The following KHDRBS3 variants were observed in gnomAD, a reference collection of about 807,000 sequenced individuals.
KHDRBS3 encodes the protein KH RNA binding domain containing, signal transduction associated 3, also known as KH domain-containing, RNA-binding, signal transduction-associated protein 3.
Under a neutral mutation model 45.6 loss-of-function variants are expected in KHDRBS3, and 23 were observed. The observed-to-expected ratio is 0.50, with a 90% confidence interval of 0.36 to 0.72. The LOEUF (loss-of-function observed/expected upper bound fraction) is 0.72. Among genes scored for constraint, KHDRBS3 ranks in the 30% least tolerant of loss-of-function variants. The pLI is 0.00. For missense variants in KHDRBS3, 352 were observed against 424.8 expected (o/e 0.83, Z 1.51); for synonymous variants, 162 against 156.5 (o/e 1.04, Z -0.26).
At chr8:135,478,943 A>AC (rs1177946407) in intron 1 of KHDRBS3, among the ~76,000 whole-genome samples, 1 of 152,192 alleles carries the variant, frequency 6.6e-6, no homozygotes, top group Non-Finnish European at 1.5e-5. Context: ...AGGAAATAAC[A>AC]CAGGTTGGAA....
At chr8:135,633,807 C>T (rs184348951) in intron 7 of KHDRBS3, among the ~76,000 whole-genome samples, 2 of 152,308 alleles carry the variant, frequency 1.3e-5, no homozygotes, top group Admixed American at 1.3e-4. Context: ...ACGTGCACAG[C>T]CTCCCCATTA....
At chr8:135,647,939 G>A (rs1390507605), downstream of KHDRBS3, 3 of 152,228 alleles carry the variant, frequency 2.0e-5, no homozygotes, top group African/African-American at 4.8e-5. Context: ...TCATCTTGTT[G>A]AGCGTTTTTT....
chr8:135,491,241 G>A (rs1373428831), intron 1 of KHDRBS3, among the ~76,000 whole-genome samples: 1 of 152,044 alleles, frequency 6.6e-6, no homozygotes, highest in Admixed American at 6.6e-5. Context: ...TTCTTGAGAG[G>A]AAGATGAATA....
At chr8:135,497,799 A>G (rs1000921193) in intron 1 of KHDRBS3, among the ~76,000 whole-genome samples, 3 of 152,174 alleles carry the variant, frequency 2.0e-5, no homozygotes, top group Non-Finnish European at 2.9e-5. Context: ...ACAAATGAAT[A>G]AAGTGTTAAC....
At chr8:135,474,785 C>G (rs547654972) in intron 1 of KHDRBS3, among the ~76,000 whole-genome samples, 76 of 152,316 alleles carry the variant, frequency 5.0e-4, no homozygotes, top group African/African-American at 1.7e-3. Context: ...GCTGCCATAA[C>G]AAATTGCTAC....
In KHDRBS3 at chr8:135,546,155, TAA is replaced by T. The variant is rs547556925; in HGVS notation, c.325-2588_325-2587del. 3.1e-3 allele frequency among the ~76,000 whole-genome samples: 445 copies of T among 141,818 alleles called. 3 individuals carry two copies. The highest frequency in any genetic ancestry group is 0.011 in the African/African-American group (415 of 38,788). The allele number at this position is 141,818 out of a possible 152,430, so 93.0% of individuals were successfully genotyped here. ...CTGTCTCCCAAAAAAATAAATAAAT[TAA>T]AAAAAAAAAAGATACTACTAGTATC... On this transcript the variant is annotated intron_variant, in intron 3 of 8. Coordinates refer to ENST00000355849, the MANE Select transcript of KHDRBS3 (RefSeq NM_006558.3).
chr8:135,545,542 C>T (rs191725638), intron 3 of KHDRBS3, among the ~76,000 whole-genome samples: 12 of 152,278 alleles, frequency 7.9e-5, no homozygotes, highest in East Asian at 5.8e-4. Flanking sequence ...GTTATTCAGC[C>T]GCACACAGAC....
intron 2 of KHDRBS3, 92 bp downstream of exon 2, chr8:135,521,447 T>A (rs1005271247): frequency 2.8e-6 from 2 of 723,670 alleles, no homozygotes; most frequent in Non-Finnish European, 4.7e-6. Context: ...TTTTTAGAGA[T>A]GTTTTCTCTT....
chr8:135,623,369 G>A (rs1353280530), intron 7 of KHDRBS3, among the ~76,000 whole-genome samples: 3 of 152,174 alleles, frequency 2.0e-5, no homozygotes, highest in Non-Finnish European at 4.4e-5. Flanking sequence ...TGACTGTCAT[G>A]TAATGTGTGA....
At chr8:135,461,644 G>T (rs1821438132) in intron 1 of KHDRBS3, among the ~76,000 whole-genome samples, 1 of 152,182 alleles carries the variant, frequency 6.6e-6, no homozygotes, top group African/African-American at 2.4e-5. Context: ...AATGTCTTAT[G>T]CATTATAATT....
At chr8:135,562,510 G>A (rs942926958) in intron 5 of KHDRBS3, among the ~76,000 whole-genome samples, 6 of 151,720 alleles carry the variant, frequency 4.0e-5, no homozygotes, top group Non-Finnish European at 5.9e-5. Flanking sequence ...TATCCTCATA[G>A]CTAAGCGACT....
intron 5 of KHDRBS3, among the ~76,000 whole-genome samples, chr8:135,567,332 G>T (rs146335492): frequency 7.9e-5 from 12 of 151,862 alleles, no homozygotes; most frequent in African/African-American, 2.9e-4. Flanking sequence ...CTTCCTGAAG[G>T]CCCCAGAAGA....
chr8:135,577,511 A>G (rs1054151415), intron 5 of KHDRBS3, among the ~76,000 whole-genome samples: 1 of 152,076 alleles, frequency 6.6e-6, no homozygotes, highest in African/African-American at 2.4e-5. Context: ...AGCATATAGT[A>G]TGTAGCCTTT....
intron 5 of KHDRBS3, among the ~76,000 whole-genome samples, chr8:135,572,263 C>A (rs542359184): frequency 1.3e-5 from 2 of 152,268 alleles, no homozygotes; most frequent in African/African-American, 4.8e-5. Flanking sequence ...ATAAGGAGCT[C>A]TCTGTTATCA....
intron 5 of KHDRBS3, among the ~76,000 whole-genome samples, chr8:135,576,039 T>A (rs1827932041): frequency 2.0e-5 from 3 of 152,320 alleles, no homozygotes; most frequent in Middle Eastern, 3.4e-3. Context: ...AGGTTTTTTT[T>A]AAGATGTTTC....
At chr8:135,648,976 A>G (rs1178794152), downstream of KHDRBS3, among the ~76,000 whole-genome samples, 1 of 152,214 alleles carries the variant, frequency 6.6e-6, no homozygotes, top group Non-Finnish European at 1.5e-5. Flanking sequence ...ATGTGCGTGC[A>G]TAGGCAAAAA....
chr8:135,465,509 G>C (rs975002488), intron 1 of KHDRBS3, among the ~76,000 whole-genome samples: 26 of 152,256 alleles, frequency 1.7e-4, no homozygotes, highest in African/African-American at 6.3e-4. Flanking sequence ...GAGAAATTCA[G>C]TCTTTAGGAA....
At chr8:135,486,222 G>A (rs944425004) in intron 1 of KHDRBS3, among the ~76,000 whole-genome samples, 2 of 152,104 alleles carry the variant, frequency 1.3e-5, no homozygotes, top group South Asian at 4.1e-4. Context: ...CTCTTTAAAG[G>A]TATCATTTTT....
chr8:135,572,886 C>T (rs1057322265), intron 5 of KHDRBS3, among the ~76,000 whole-genome samples: 1 of 152,204 alleles, frequency 6.6e-6, no homozygotes, highest in Admixed American at 6.5e-5. Context: ...TGCATAGCAA[C>T]CTTAGGCAAG....
Sources: gnomAD v4.1 joint callset for allele counts (sites outside exome capture counted in the v4.1 genomes callset) on GRCh38, gnomAD v4.1.1 for gene constraint, MANE v1.5 for transcripts, NCBI Gene and HGNC (gene_info 2026-07-23, HGNC 2026-07-21) for gene names.